EPHB1: variants seen among roughly 807,000 people sequenced by gnomAD.
The protein encoded by EPHB1 is ephrin type-B receptor 1.
A neutral mutation model predicts 94.4 loss-of-function variants in EPHB1; 30 were observed. The observed-to-expected ratio is 0.32, with a 90% CI of 0.24 to 0.43. The LOEUF (loss-of-function observed/expected upper bound fraction) is 0.43, where lower values mean the gene tolerates loss of function less well. Ranked by LOEUF, EPHB1 falls within the 20% of genes least tolerant of loss-of-function variation. The pLI is 1.00. For synonymous variants in EPHB1, 522 were observed against 489.1 expected, an observed-to-expected ratio of 1.07 and a Z score of -0.89; for missense variants, 1,055 against 1,308.3, an observed-to-expected ratio of 0.81 and a Z score of 2.99.
chr3:134,824,125 CTTTTTTTTTTTTTTTT>C (rs373504139), intron 1 of EPHB1, among the ~76,000 whole-genome samples: 2 of 100,756 alleles, frequency 2.0e-5, no homozygotes, highest in Non-Finnish European at 4.1e-5. Flanking sequence ...GGATAATGCC[CTTTTTTTTTTTTTTTT>C]TTTTTTTTTG....
At chr3:134,938,239 G>T (rs1578212488) in intron 2 of EPHB1, among the ~76,000 whole-genome samples, 1 of 152,314 alleles carries the variant, frequency 6.6e-6, no homozygotes, top group East Asian at 1.9e-4. Flanking sequence ...CTCCAGGCAG[G>T]GCCTGGTACG....
At chr3:134,941,498 T>C in intron 2 of EPHB1, among the ~76,000 whole-genome samples, 1 of 151,902 alleles carries the variant, frequency 6.6e-6, no homozygotes, top group South Asian at 2.1e-4. Flanking sequence ...TAGTGGCTCT[T>C]CATTTTGACC....
In EPHB1 at chr3:134,930,464, C is replaced by G. The variant is rs530985206; in HGVS notation, c.123+4584C>G. Among the ~76,000 whole-genome samples, 4 of 152,344 alleles carry G rather than the reference C, an allele frequency of 2.6e-5. No homozygotes were observed. In the East Asian group the frequency reaches 5.8e-4, roughly 22 times the overall value. On this transcript the variant is annotated intron_variant, in intron 2 of 15. Coordinates refer to ENST00000398015, the MANE Select transcript of EPHB1 (RefSeq NM_004441.5). The stretch of plus-strand genomic sequence containing the variant: ...TAACAAATGCCAGGGAGAGGCTGAG[C>G]TCCCACTAACGGGCTATCCCAGGGA...
chr3:135,089,390 A>C (rs1184459483), intron 3 of EPHB1, among the ~76,000 whole-genome samples: 1 of 152,230 alleles, frequency 6.6e-6, no homozygotes, highest in African/African-American at 2.4e-5. Flanking sequence ...TGAGTAACAT[A>C]CCTGGCCTGT....
At chr3:134,931,794 T>C (rs1428024993) in intron 2 of EPHB1, among the ~76,000 whole-genome samples, 5 of 152,216 alleles carry the variant, frequency 3.3e-5, no homozygotes, top group South Asian at 2.1e-4. Flanking sequence ...TGTATGTACA[T>C]ATACATGTGT....
At chr3:135,001,099 T>G (rs1406454093) in intron 3 of EPHB1, among the ~76,000 whole-genome samples, 1 of 152,182 alleles carries the variant, frequency 6.6e-6, no homozygotes, top group African/African-American at 2.4e-5. Context: ...CTTTCCTGAT[T>G]GAGTGCTGAT....
At chr3:135,055,940 A>C (rs1309692262) in intron 3 of EPHB1, among the ~76,000 whole-genome samples, 2 of 152,086 alleles carry the variant, frequency 1.3e-5, no homozygotes, top group Non-Finnish European at 2.9e-5. Flanking sequence ...GAAACACAAC[A>C]GTGTTTACCT....
chr3:134,957,087 A>G (rs1367499055), intron 3 of EPHB1, among the ~76,000 whole-genome samples: 1 of 152,208 alleles, frequency 6.6e-6, no homozygotes, highest in Non-Finnish European at 1.5e-5. Flanking sequence ...TGAAGGACCA[A>G]GTGGAGAGAG....
At chr3:134,813,196 G>A (rs2036208832) in intron 1 of EPHB1, among the ~76,000 whole-genome samples, 1 of 152,196 alleles carries the variant, frequency 6.6e-6, no homozygotes, top group African/African-American at 2.4e-5. Context: ...TTTTGTTAGG[G>A]GAGTGTGTGC....
At chr3:134,855,511 A>G (rs2037093689) in intron 1 of EPHB1, among the ~76,000 whole-genome samples, 1 of 152,226 alleles carries the variant, frequency 6.6e-6, no homozygotes, top group East Asian at 1.9e-4. Context: ...ATAAAGATGT[A>G]GCAGCATGCA....
At chr3:135,086,244 C>G (rs953277360) in intron 3 of EPHB1, among the ~76,000 whole-genome samples, 1 of 150,820 alleles carries the variant, frequency 6.6e-6, no homozygotes, top group Non-Finnish European at 1.5e-5. Context: ...CCAGGCCCAA[C>G]AGGATCCTTA....
At chr3:134,994,037 G>A (rs1934907065) in intron 3 of EPHB1, among the ~76,000 whole-genome samples, 1 of 152,134 alleles carries the variant, frequency 6.6e-6, no homozygotes, top group Non-Finnish European at 1.5e-5. Flanking sequence ...AAGCCCTCCG[G>A]GGTTAGGTAC....
chr3:135,005,838 A>G (rs1429808173), intron 3 of EPHB1, among the ~76,000 whole-genome samples: 1 of 152,224 alleles, frequency 6.6e-6, no homozygotes, highest in East Asian at 1.9e-4. Context: ...GCACGCACCC[A>G]CTGACCTGCG....
intron 3 of EPHB1, among the ~76,000 whole-genome samples, chr3:134,985,737 C>G (rs1934573498): frequency 6.6e-6 from 1 of 152,146 alleles, no homozygotes; most frequent in Non-Finnish European, 1.5e-5. Flanking sequence ...ATTAGCTACT[C>G]AAGTTACTCC....
chr3:134,821,062 T>C (rs2036370418), intron 1 of EPHB1, among the ~76,000 whole-genome samples: 1 of 152,156 alleles, frequency 6.6e-6, no homozygotes, highest in Non-Finnish European at 1.5e-5. Flanking sequence ...TAGTTCTGTC[T>C]GAATGAAGGC....
At chr3:134,974,907 A>C (rs1052658006) in intron 3 of EPHB1, among the ~76,000 whole-genome samples, 18 of 143,536 alleles carry the variant, frequency 1.3e-4, no homozygotes, top group South Asian at 2.4e-4. Context: ...TGTGCCTTGC[A>C]CCTCCCTGCC....
chr3:134,809,382 T>A (rs201702684), intron 1 of EPHB1, among the ~76,000 whole-genome samples: 3,777 of 139,486 alleles, frequency 0.027, 109 homozygotes, highest in South Asian at 0.071. Flanking sequence ...TTTTTTTTTT[T>A]AAAAAAACAC....
At chr3:135,255,303 T>A (rs992366519) in intron 15 of EPHB1, among the ~76,000 whole-genome samples, 3 of 152,060 alleles carry the variant, frequency 2.0e-5, no homozygotes, top group African/African-American at 7.2e-5. Context: ...AATTGTGATG[T>A]TTGTTAGGGT....
chr3:134,819,391 C>T (rs564508953), intron 1 of EPHB1, among the ~76,000 whole-genome samples: 3 of 152,108 alleles, frequency 2.0e-5, no homozygotes, highest in East Asian at 3.9e-4. Flanking sequence ...AGAAGGGTGC[C>T]CATGTGGTGA....
Sources: allele counts gnomAD v4.1 joint callset (sites outside exome capture counted in the v4.1 genomes callset), GRCh38; gene constraint gnomAD v4.1.1; transcripts MANE v1.5; gene names NCBI Gene and HGNC (gene_info 2026-07-23, HGNC 2026-07-21).